Variants in PTBP3 observed in about 807,000 individuals in gnomAD.
The protein encoded by PTBP3 is polypyrimidine tract-binding protein 3.
A neutral mutation model predicts 58.7 loss-of-function variants in PTBP3; 20 were observed. That is an observed-to-expected ratio of 0.34 (90% CI 0.24 to 0.50). The LOEUF is 0.50. Ranked by LOEUF, PTBP3 falls within the 20% of genes least tolerant of loss-of-function variation. PTBP3 has a pLI of 0.98. For missense variants in PTBP3, 509 were observed against 637.2 expected, an observed-to-expected ratio of 0.80 and a Z score of 2.17; for synonymous variants, 185 against 219.8, an observed-to-expected ratio of 0.84 and a Z score of 1.40.
At chr9:112,374,161 G>C in the PTBP3 span, among the ~76,000 whole-genome samples, 1 of 152,148 alleles carries the variant, frequency 6.6e-6, no homozygotes, top group Non-Finnish European at 1.5e-5. Context: ...ATTTCATCTT[G>C]ATAATCCGGG....
At chr9:112,252,532 T>C (rs1016064284) in intron 6 of PTBP3, 146 bp downstream of exon 6, 20 of 575,678 alleles carry the variant, frequency 3.5e-5, no homozygotes, top group Non-Finnish European at 6.0e-5. Context: ...AAAAAAAACA[T>C]GGAATCATAC....
intron 5 of PTBP3, 51 bp from the exon 6 acceptor site, chr9:112,252,839 A>G: frequency 9.8e-7 from 1 of 1,017,140 alleles, no homozygotes. Context: ...TATTAAACTG[A>G]TGTATCTTTA....
In PTBP3 at chr9:112,221,831, G is replaced by C; in HGVS notation, c.*2020C>G. 1.0e-6 allele frequency: 1 copy of C among 984,702 alleles called. No individual in the cohort carries two copies. The highest frequency in any genetic ancestry group is 4.7e-5 in the South Asian group (1 of 21,276). 61.0% of individuals were successfully genotyped at this position (984,702 alleles called of 1,614,324 possible). ...CATCTCTTGCAGTCTCTATTTTTTG[G>C]TAAAATTTCTTCTGTAAAAACCTCC... On this transcript the variant is annotated 3_prime_UTR_variant, in exon 14 of 14. Transcript: ENST00000374257.
At chr9:112,288,915 A>T (rs931700666) in intron 2 of PTBP3, among the ~76,000 whole-genome samples, 3 of 152,236 alleles carry the variant, frequency 2.0e-5, no homozygotes, top group Non-Finnish European at 4.4e-5. Context: ...TACGCAAATT[A>T]ACTGATCAGA....
intron 1 of PTBP3, among the ~76,000 whole-genome samples, chr9:112,331,947 C>T (rs918411035): frequency 6.6e-6 from 1 of 152,172 alleles, no homozygotes; most frequent in Admixed American, 6.5e-5. Context: ...TCAAACCTTC[C>T]AGACAATTAA....
chr9:112,307,153 AT>A (rs1236880285), intron 1 of PTBP3, among the ~76,000 whole-genome samples: 1 of 152,206 alleles, frequency 6.6e-6, no homozygotes, highest in African/African-American at 2.4e-5. Context: ...ATCAAGAACA[AT>A]TAAAATATAA....
intron 5 of PTBP3, among the ~76,000 whole-genome samples, chr9:112,256,298 TA>T (rs1564409889): frequency 1.1e-3 from 78 of 71,112 alleles, no homozygotes; most frequent in Non-Finnish European, 1.1e-3. Flanking sequence ...TATATACATA[TA>T]TATATATATA....
At chr9:112,342,472 T>C in the PTBP3 span, among the ~76,000 whole-genome samples, 1 of 152,156 alleles carries the variant, frequency 6.6e-6, no homozygotes, top group African/African-American at 2.4e-5. Context: ...ATCCCAACAC[T>C]TTGGGAGGCC....
intron 2 of PTBP3, among the ~76,000 whole-genome samples, chr9:112,279,627 T>C (rs1827770594): frequency 6.6e-6 from 1 of 152,068 alleles, no homozygotes; most frequent in Non-Finnish European, 1.5e-5. Context: ...CCCTTTGCAG[T>C]TAGTCCTCCC....
rs56052359 is a variant in PTBP3 at position 112,244,289 on chromosome 9, C to CAA, written c.802+6638_802+6639dup. Among the ~76,000 whole-genome samples the CAA allele has an allele frequency of 1.1e-3, 40 of 36,304 alleles. 5 individuals are homozygous for CAA. Among genetic ancestry groups the CAA allele is most frequent in the South Asian group, 7.4e-3 (4 of 540 alleles). 23.8% of individuals were successfully genotyped at this position (36,304 alleles called of 152,430 possible). ...TGGGCAACAGAGTGAGACTCTGTCT[C>CAA]AAAAAAAAAAAAAAAAAAGTTCTCA... On this transcript the variant is annotated intron_variant, in intron 7 of 13. Transcript: ENST00000374257.
intron 2 of PTBP3, among the ~76,000 whole-genome samples, chr9:112,293,625 G>A (rs1828541170): frequency 6.6e-6 from 1 of 152,184 alleles, no homozygotes; most frequent in South Asian, 2.1e-4. Context: ...CTAGCTAACA[G>A]AATGAGAAAA....
chr9:112,342,213 C>T, the PTBP3 span, among the ~76,000 whole-genome samples: 1 of 152,204 alleles, frequency 6.6e-6, no homozygotes, highest in African/African-American at 2.4e-5. Flanking sequence ...TCTAGTTTCT[C>T]AGGCCTTTGG....
At chr9:112,332,457 T>C (rs1830413792) in intron 1 of PTBP3, among the ~76,000 whole-genome samples, 1 of 152,202 alleles carries the variant, frequency 6.6e-6, no homozygotes, top group Non-Finnish European at 1.5e-5. Flanking sequence ...TTGCATATAT[T>C]CCACAACCTC....
chr9:112,324,625 G>A (rs1181266956), intron 1 of PTBP3, among the ~76,000 whole-genome samples: 3 of 151,740 alleles, frequency 2.0e-5, no homozygotes, highest in African/African-American at 7.3e-5. Context: ...ACTCCAGCCT[G>A]GGTGACAGAG....
intron 2 of PTBP3, among the ~76,000 whole-genome samples, chr9:112,291,682 G>T (rs1828435342): frequency 6.6e-6 from 1 of 152,034 alleles, no homozygotes. Flanking sequence ...GAATGAAATT[G>T]GACTCTTACT....
chr9:112,348,146 A>G, the PTBP3 span, among the ~76,000 whole-genome samples: 1 of 152,224 alleles, frequency 6.6e-6, no homozygotes, highest in Admixed American at 6.6e-5. Flanking sequence ...TATTCACTAG[A>G]TGCTAGTACT....
At chr9:112,292,001 AC>A (rs1364627006) in intron 2 of PTBP3, among the ~76,000 whole-genome samples, 1 of 152,146 alleles carries the variant, frequency 6.6e-6, no homozygotes, top group African/African-American at 2.4e-5. Context: ...ATAAAGAGCT[AC>A]TACAACTCAA....
rs939404806 is a variant in PTBP3 at position 112,218,955 on chromosome 9, C to T, written c.*4896G>A. 2.6e-5 allele frequency: 4 copies of T among 152,254 alleles called. No homozygotes were observed. The highest frequency in any genetic ancestry group is 7.2e-5 in the African/African-American group (3 of 41,412). The allele number at this position is 152,254 out of a possible 1,614,324, so 9.4% of individuals were successfully genotyped here. A position where few individuals can be genotyped will look rare whatever the true frequency, so the allele number is the denominator to read the frequency against. On this transcript the variant is annotated 3_prime_UTR_variant, in exon 14 of 14. Coordinates refer to ENST00000374257, the MANE Select transcript of PTBP3 (RefSeq NM_001163788.4). ...ACAATGTCAGAGGCTCCTAGCTGTG[C>T]TATTTTTTTTTTCTTAGATACAGTA... is the stretch of plus-strand genomic sequence containing the variant.
At chr9:112,290,738 A>ACACACACACACACACACAC (rs1564438731) in intron 2 of PTBP3, among the ~76,000 whole-genome samples, 5 of 148,492 alleles carry the variant, frequency 3.4e-5, no homozygotes, top group Admixed American at 6.7e-5. Context: ...ACACACACAC[A>ACACACACACACACACACAC]ATCAAGTGTT....
Sources: gnomAD v4.1 joint callset for allele counts (sites outside exome capture counted in the v4.1 genomes callset) on GRCh38, gnomAD v4.1.1 for gene constraint, MANE v1.5 for transcripts, NCBI Gene and HGNC (gene_info 2026-07-23, HGNC 2026-07-21) for gene names.